Variants in CETP observed in about 807,000 individuals in gnomAD.
CETP encodes BPI fold containing family F.
CETP carries 56 observed loss-of-function variants against 66.5 expected under a neutral mutation model. The ratio of observed to expected loss-of-function variants is 0.84; its 90% confidence interval spans 0.68 to 1.05. The LOEUF (loss-of-function observed/expected upper bound fraction) is 1.05, where lower values mean the gene tolerates loss of function less well. Among genes scored for constraint, CETP ranks in the 50% least tolerant of loss-of-function variants. CETP has a pLI of 0.00. For missense variants in CETP, 612 were observed against 609.6 expected (o/e 1.00, Z -0.04); for synonymous variants, 251 against 245.7 (o/e 1.02, Z -0.20).
intron 6 of CETP, 52 bp downstream of exon 6, chr16:56,971,154 G>A (rs1246492780): frequency 3.2e-6 from 5 of 1,585,032 alleles, no homozygotes; most frequent in Non-Finnish European, 4.3e-6. Flanking sequence ...CCAGGAGGCT[G>A]GATCCCTTTC....
chr16:56,981,552 A>C, intron 12 of CETP, 95 bp from the exon 13 acceptor site: 1 of 1,407,994 alleles, frequency 7.1e-7, no homozygotes, highest in Non-Finnish European at 1.0e-6. Flanking sequence ...TATGAGACAG[A>C]AGCACTGGCT....
intron 7 of CETP, 102 bp from the exon 8 acceptor site, chr16:56,971,890 C>T: frequency 2.0e-6 from 2 of 1,001,458 alleles, no homozygotes; most frequent in Non-Finnish European, 3.2e-6. Context: ...CAGAGGGGAA[C>T]ACTGAGGCTG....
rs1477992435 is a variant in CETP at position 56,969,944 on chromosome 16, C to G, written c.470C>G (p.Ala157Gly). The G allele has an allele frequency of 6.2e-7, 1 of 1,614,156 alleles. No individual in the cohort carries two copies. Among genetic ancestry groups the G allele is most frequent in the African/African-American group, 1.3e-5 (1 of 75,050 alleles). Residue 157 changes from alanine to glycine, a missense_variant, in exon 5 of 16, where the codon GCC (alanine) becomes GGC (glycine). Ala to Gly is a moderately conservative substitution (Grantham distance 60). Coordinates refer to ENST00000200676, the MANE Select transcript of CETP (RefSeq NM_000078.3). ...TCDSGRVRTD[A>G]PDCYLSFHKL... ...GACTCTGGTAGAGTGCGGACCGATG[C>G]CCCTGACTGCTACCTGTCTTTCCAT...
intron 9 of CETP, among the ~76,000 whole-genome samples, chr16:56,974,307 T>G (rs1597002612): frequency 6.6e-6 from 1 of 152,162 alleles, no homozygotes; most frequent in East Asian, 1.9e-4. Flanking sequence ...AAATCAGCTG[T>G]GCACGGCGGT....
chr16:56,973,372 C>A lies in CETP; in HGVS notation c.792C>A (p.Leu264=). The change falls in exon 9 of 16, where the codon CTC becomes CTA. Residue 264 remains leucine, a synonymous_variant. Coordinates refer to ENST00000200676, the MANE Select transcript of CETP (RefSeq NM_000078.3). Reference sequence around the variant, plus strand: ...AGAATGTCTCAGAGGACCTCCCCCTCCCCACCTTCTCGCCCACACTGCTGG... The same window carrying A: ...AGAATGTCTCAGAGGACCTCCCCCTACCCACCTTCTCGCCCACACTGCTGG... ...IYKNVSEDLP[L]PTFSPTLLGD... is the part of the protein sequence containing the mutation. The A allele has an allele frequency of 6.2e-7, 1 of 1,614,158 alleles. No individual in the cohort carries two copies. The highest frequency in any genetic ancestry group is 8.5e-7 in the Non-Finnish European group (1 of 1,180,032).
chr16:56,970,243 C>A (rs1490689686), intron 5 of CETP, among the ~76,000 whole-genome samples: 1 of 152,252 alleles, frequency 6.6e-6, no homozygotes, highest in Non-Finnish European at 1.5e-5. Flanking sequence ...GTGCAAAGCA[C>A]TATTCCAAGC....
In CETP at chr16:56,972,208, C is replaced by T. The variant is rs2056116726; in HGVS notation, c.750+125C>T. 1.4e-5 allele frequency: 10 copies of T among 713,926 alleles called. No homozygotes were observed. In the South Asian group the frequency reaches 1.5e-4, roughly 10 times the overall value. The allele number at this position is 713,926 out of a possible 1,614,324, so 44.2% of individuals were successfully genotyped here. On this transcript the variant is annotated intron_variant, in intron 8 of 15. Transcript: ENST00000200676. ...CAGCCAAGAGTCCTGGGGCGCTCCT[C>T]CTCATTCCTGATGCTCCTCCGCATT...
chr16:56,981,927 C>T (rs766323291), intron 13 of CETP, among the ~76,000 whole-genome samples: 10 of 152,140 alleles, frequency 6.6e-5, no homozygotes, highest in African/African-American at 1.4e-4. Flanking sequence ...GGCCAAGCAG[C>T]GCCTCCCTGG....
chr16:56,964,188 G>A (rs1383753273), intron 2 of CETP, among the ~76,000 whole-genome samples: 2 of 151,542 alleles, frequency 1.3e-5, no homozygotes, highest in Admixed American at 6.6e-5. Context: ...CACCACGCCC[G>A]GCTAATTTTT....
intron 14 of CETP, among the ~76,000 whole-genome samples, chr16:56,982,791 C>T (rs2056198494): frequency 6.6e-6 from 1 of 152,184 alleles, no homozygotes; most frequent in African/African-American, 2.4e-5. Context: ...GCTGACTGTG[C>T]TTTCCTTTTG....
chr16:56,982,195 C>T lies in CETP; in HGVS notation c.1279C>T (p.Gln427Ter), dbSNP rs780936328. 1.2e-6 allele frequency: 2 copies of T among 1,614,164 alleles called. No individual in the cohort carries two copies. Among genetic ancestry groups the T allele is most frequent in the Non-Finnish European group, 1.7e-6 (2 of 1,180,024 alleles). Reference protein sequence around the residue: ...SSSESVQSFLQSMITAVGIPE... With the variant: ...SSSESVQSFL ...CTCCGAGTCCGTCCAGAGCTTCCTG[C>T]AGTCAATGATCACCGCTGTGGGCAT... The change falls in exon 14 of 16, where the codon CAG becomes TAG. Residue 427 changes from glutamine to a stop codon, truncating the protein, a stop_gained. Transcript: ENST00000200676. LOFTEE classifies it high-confidence loss of function.
intron 10 of CETP, among the ~76,000 whole-genome samples, chr16:56,976,479 T>C (rs1370548811): frequency 1.3e-5 from 2 of 151,896 alleles, no homozygotes; most frequent in Admixed American, 6.6e-5. Flanking sequence ...TTCTTTCTTT[T>C]TTTTTTTTTT....
intron 11 of CETP, among the ~76,000 whole-genome samples, chr16:56,980,590 T>C (rs2056180413): frequency 6.6e-6 from 1 of 152,232 alleles, no homozygotes. Context: ...ACTTATTTTT[T>C]TGTTGTTAAG....
intron 10 of CETP, 121 bp downstream of exon 10, chr16:56,975,272 C>A: frequency 1.2e-6 from 1 of 846,870 alleles, no homozygotes; most frequent in Non-Finnish European, 2.0e-6. Flanking sequence ...GCGAACACAG[C>A]TCCTACTCGG....
intron 10 of CETP, among the ~76,000 whole-genome samples, chr16:56,977,828 C>A (rs2056160422): frequency 1.3e-5 from 2 of 152,164 alleles, no homozygotes; most frequent in Non-Finnish European, 2.9e-5. Context: ...GCCCAGAAGG[C>A]TAAGTGAAGG....
rs768295149 is a variant in CETP at position 56,962,084 on chromosome 16, T to C, written c.105T>C (p.Pro35=). 1.9e-6 allele frequency: 3 copies of C among 1,613,758 alleles called. No homozygotes were observed. The South Asian group carries it at 3.3e-5, about 18-fold the overall frequency. Residue 35 remains proline, a synonymous_variant, in exon 1 of 16, where the codon CCT becomes CCC. Coordinates refer to ENST00000200676, the MANE Select transcript of CETP (RefSeq NM_000078.3). ...GCATCGTGTGCCGCATCACCAAGCC[T>C]GCCCTCCTGGTGTGTAAGTATCAGT... ...EAGIVCRITK[P]ALLVLNHETA...
Position 56,983,633 on chromosome 16 carries a change from C to T in CETP, c.1449C>T (p.His483=). The T allele has an allele frequency of 6.2e-7, 1 of 1,614,188 alleles. No individual in the cohort carries two copies. Among genetic ancestry groups the T allele is most frequent in the Non-Finnish European group, 8.5e-7 (1 of 1,180,034 alleles). ...AGATGGACTTTGGCTTCCCTGAGCA[C>T]CTGCTGGTGGATTTCCTCCAGAGCT... ...LLQMDFGFPE[H]LLVDFLQSLS The change falls in exon 16 of 16, where the codon CAC becomes CAT. Residue 483 remains histidine, a synonymous_variant. Transcript: ENST00000200676.
chr16:56,971,433 A>G, intron 7 of CETP, 52 bp downstream of exon 7: 2 of 1,510,562 alleles, frequency 1.3e-6, no homozygotes, highest in Non-Finnish European at 1.8e-6. Flanking sequence ...GGAGCCAGAA[A>G]GCCACCTGCT....
Position 56,963,022 on chromosome 16 carries a change from C to T in CETP, c.131C>T (p.Thr44Ile), listed in dbSNP as rs1283371747. 2 of 1,614,144 alleles carry T rather than the reference C, an allele frequency of 1.2e-6. No homozygotes were observed. The highest frequency in any genetic ancestry group is 3.3e-5 in the Admixed American group (2 of 60,032). The change falls in exon 2 of 16, where the codon ACT (threonine) becomes ATT (isoleucine). Residue 44 changes from threonine to isoleucine, a missense_variant. Coordinates refer to ENST00000200676, the MANE Select transcript of CETP (RefSeq NM_000078.3). The stretch of plus-strand genomic sequence containing the variant: ...CCCTCCCCTCTAGTGAACCACGAGA[C>T]TGCCAAGGTGATCCAGACCGCCTTC... ...KPALLVLNHE[T>I]AKVIQTAFQR...
Sources: gnomAD v4.1 joint callset for allele counts (sites outside exome capture counted in the v4.1 genomes callset) on GRCh38, gnomAD v4.1.1 for gene constraint, MANE v1.5 for transcripts, NCBI Gene and HGNC (gene_info 2026-07-23, HGNC 2026-07-21) for gene names.